The following DLG2 variants were observed in gnomAD, a reference collection of about 807,000 sequenced individuals.
DLG2 encodes discs large MAGUK scaffold protein 2.
DLG2 carries 45 observed loss-of-function variants against 132.5 expected under a neutral mutation model. That is an observed-to-expected ratio of 0.34 (90% CI 0.27 to 0.44). The LOEUF (loss-of-function observed/expected upper bound fraction) is 0.44, where lower values mean the gene tolerates loss of function less well. Among genes scored for constraint, DLG2 ranks in the 20% least tolerant of loss-of-function variants. The pLI is 1.00. For missense variants in DLG2, 1,045 were observed against 1,196.9 expected (o/e 0.87, Z 1.87); for synonymous variants, 424 against 419.6 (o/e 1.01, Z -0.13).
At chr11:85,547,398 T>G (rs1034125070) in intron 3 of DLG2, among the ~76,000 whole-genome samples, 6 of 152,212 alleles carry the variant, frequency 3.9e-5, no homozygotes, top group Non-Finnish European at 7.3e-5. Flanking sequence ...TAACCTGACC[T>G]TTCTCTCTGG....
intron 6 of DLG2, among the ~76,000 whole-genome samples, chr11:84,595,651 T>C (rs1391879927): frequency 6.6e-6 from 1 of 152,178 alleles, no homozygotes; most frequent in African/African-American, 2.4e-5. Flanking sequence ...AGTGAAGCTT[T>C]CATAGGTTAT....
chr11:85,305,996 G>T (rs2079917130), intron 3 of DLG2, among the ~76,000 whole-genome samples: 1 of 152,170 alleles, frequency 6.6e-6, no homozygotes, highest in African/African-American at 2.4e-5. Flanking sequence ...TCCAACTTGG[G>T]TTTGAGTCCC....
At chr11:85,579,387 A>G (rs1223587890) in intron 3 of DLG2, among the ~76,000 whole-genome samples, 1 of 152,012 alleles carries the variant, frequency 6.6e-6, no homozygotes, top group African/African-American at 2.4e-5. Flanking sequence ...AATCAAAATA[A>G]AAGTTAAATT....
intron 7 of DLG2, among the ~76,000 whole-genome samples, chr11:84,463,257 C>A (rs145089476): frequency 6.6e-6 from 1 of 151,130 alleles, no homozygotes; most frequent in African/African-American, 2.4e-5. Flanking sequence ...CTACAGTATT[C>A]CTCATGGGAT....
intron 6 of DLG2, among the ~76,000 whole-genome samples, chr11:84,542,381 T>C (rs977817333): frequency 3.9e-5 from 6 of 152,200 alleles, no homozygotes; most frequent in Admixed American, 3.9e-4. Context: ...ATTAAAAAAC[T>C]TGTTAGTTTC....
rs11234147 is a variant in DLG2, at chr11:84,727,798, G to T, written c.358-193067C>A. On this transcript the variant is annotated intron_variant, in intron 6 of 27. Transcript: ENST00000376104. The stretch of plus-strand genomic sequence containing the variant: ...TGAGCGGTGGTTTGTAGTTCTCCTT[G>T]AAGAGGTCCTTCACATTCCTTGTAA... Among the ~76,000 whole-genome samples, 260 of 152,210 alleles carry T rather than the reference G, an allele frequency of 1.7e-3. 1 individual carries two copies. Among genetic ancestry groups the T allele is most frequent in the African/African-American group, 5.8e-3 (240 of 41,528 alleles).
At chr11:85,587,121 A>G (rs962919645) in intron 3 of DLG2, among the ~76,000 whole-genome samples, 2 of 152,148 alleles carry the variant, frequency 1.3e-5, no homozygotes, top group Non-Finnish European at 1.5e-5. Flanking sequence ...GGCCTATCCT[A>G]TGGTCTATCT....
intron 10 of DLG2, among the ~76,000 whole-genome samples, chr11:84,085,973 C>G (rs1015920670): frequency 6.6e-6 from 1 of 152,082 alleles, no homozygotes; most frequent in Non-Finnish European, 1.5e-5. Flanking sequence ...AACAGAAATG[C>G]TATTTATCAG....
intron 18 of DLG2, among the ~76,000 whole-genome samples, chr11:83,746,268 A>T (rs1187724753): frequency 6.6e-6 from 1 of 152,240 alleles, no homozygotes; most frequent in African/African-American, 2.4e-5. Context: ...CTATAAAGAC[A>T]TATGCACACG....
chr11:84,739,259 G>T (rs1288676030), intron 6 of DLG2, among the ~76,000 whole-genome samples: 1 of 152,072 alleles, frequency 6.6e-6, no homozygotes, highest in Non-Finnish European at 1.5e-5. Context: ...CAAGACCAAA[G>T]AATTACATTA....
At chr11:84,839,110 A>C (rs1440563981) in intron 6 of DLG2, among the ~76,000 whole-genome samples, 5 of 152,128 alleles carry the variant, frequency 3.3e-5, no homozygotes, top group Non-Finnish European at 2.9e-5. Flanking sequence ...TCTCAGCCCA[A>C]AATCTCCTTA....
At chr11:84,569,689 A>T (rs2099472793) in intron 6 of DLG2, among the ~76,000 whole-genome samples, 1 of 152,184 alleles carries the variant, frequency 6.6e-6, no homozygotes, top group African/African-American at 2.4e-5. Context: ...GAGAGGTTAT[A>T]TTGCTCAGTT....
At chr11:85,436,767 C>A (rs890468032) in intron 3 of DLG2, among the ~76,000 whole-genome samples, 2 of 152,128 alleles carry the variant, frequency 1.3e-5, no homozygotes, top group Non-Finnish European at 2.9e-5. Flanking sequence ...GGTCTAGAAC[C>A]AGAAATACCA....
At chr11:84,235,082 A>G (rs1361738447) in intron 8 of DLG2, among the ~76,000 whole-genome samples, 1 of 152,186 alleles carries the variant, frequency 6.6e-6, no homozygotes, top group Non-Finnish European at 1.5e-5. Flanking sequence ...ACTCCCTTCT[A>G]TTCATTCCAG....
intron 18 of DLG2, among the ~76,000 whole-genome samples, chr11:83,778,160 T>G (rs532086401): frequency 1.3e-5 from 2 of 152,356 alleles, no homozygotes; most frequent in African/African-American, 4.8e-5. Context: ...TAGTCCTCTT[T>G]GCATATCTCT....
intron 3 of DLG2, among the ~76,000 whole-genome samples, chr11:85,388,947 A>G (rs2086575754): frequency 6.6e-6 from 1 of 152,182 alleles, no homozygotes; most frequent in African/African-American, 2.4e-5. Flanking sequence ...AAGGTTCTCT[A>G]ATGCCCCCAA....
intron 7 of DLG2, among the ~76,000 whole-genome samples, chr11:84,438,733 T>C (rs190309285): frequency 9.5e-4 from 145 of 152,296 alleles, no homozygotes; most frequent in African/African-American, 3.4e-3. Context: ...TTTTAGCCCT[T>C]TGCCAGTCCT....
intron 11 of DLG2, among the ~76,000 whole-genome samples, chr11:83,991,862 AAAG>A (rs1208587639): frequency 2.0e-5 from 3 of 152,138 alleles, no homozygotes; most frequent in Admixed American, 2.0e-4. Context: ...CCTTATTTGG[AAAG>A]AAGTTCTTTG....
chr11:83,748,069 TC>T (rs2093044210), intron 18 of DLG2, among the ~76,000 whole-genome samples: 1 of 152,174 alleles, frequency 6.6e-6, no homozygotes, highest in Admixed American at 6.5e-5. Context: ...GGCTTGAGAA[TC>T]CCCATCTTTA....
Sources: allele counts gnomAD v4.1 joint callset (sites outside exome capture counted in the v4.1 genomes callset), GRCh38; gene constraint gnomAD v4.1.1; transcripts MANE v1.5; gene names NCBI Gene and HGNC (gene_info 2026-07-23, HGNC 2026-07-21).